Variants in DCC observed in about 807,000 individuals in gnomAD.
DCC encodes the protein DCC netrin 1 receptor.
A neutral mutation model predicts 172.5 loss-of-function variants in DCC; 58 were observed. The ratio of observed to expected loss-of-function variants is 0.34; its 90% CI spans 0.27 to 0.42. DCC has a LOEUF of 0.42. Among genes scored for constraint, DCC ranks in the 10% least tolerant of loss-of-function variants. The probability of loss-of-function intolerance (pLI) is 1.00; values close to 1 mark genes in which losing one functional copy is unlikely to be tolerated. For missense variants in DCC, 1,740 were observed against 1,791.0 expected, an observed-to-expected ratio of 0.97 and a Z score of 0.51; for synonymous variants, 709 against 644.5, an observed-to-expected ratio of 1.10 and a Z score of -1.52.
intron 7 of DCC, among the ~76,000 whole-genome samples, chr18:53,139,479 C>G (rs1157035411): frequency 6.6e-6 from 1 of 152,080 alleles, no homozygotes; most frequent in African/African-American, 2.4e-5. Flanking sequence ...GATCTGATTT[C>G]TAGTTGTTTG....
At chr18:53,239,782 A>G (rs2056260289) in intron 12 of DCC, among the ~76,000 whole-genome samples, 1 of 152,126 alleles carries the variant, frequency 6.6e-6, no homozygotes, top group Non-Finnish European at 1.5e-5. Context: ...TCAAAATGAT[A>G]TACAGTATTT....
intron 5 of DCC, among the ~76,000 whole-genome samples, chr18:52,974,470 G>A (rs1010623577): frequency 6.6e-6 from 1 of 152,188 alleles, no homozygotes; most frequent in Non-Finnish European, 1.5e-5. Context: ...CACTCTGACT[G>A]TTAATAAATG....
At chr18:52,905,989 C>A in intron 2 of DCC, 55 bp from the exon 3 acceptor site, 3 of 1,148,342 alleles carry the variant, frequency 2.6e-6, no homozygotes, top group Middle Eastern at 2.1e-4. Flanking sequence ...TTTTTATTGG[C>A]GATTATTGTG....
chr18:52,422,498 T>C (rs1296830978), intron 1 of DCC, among the ~76,000 whole-genome samples: 1 of 152,182 alleles, frequency 6.6e-6, no homozygotes, highest in Non-Finnish European at 1.5e-5. Flanking sequence ...TGCAAGATCA[T>C]AGTTGGGAAG....
At chr18:52,485,156 C>T (rs531760246) in intron 1 of DCC, among the ~76,000 whole-genome samples, 33 of 151,996 alleles carry the variant, frequency 2.2e-4, no homozygotes, top group Non-Finnish European at 4.7e-4. Flanking sequence ...TTCTGTAGTT[C>T]TCGAACTGGA....
chr18:52,362,579 A>AT (rs1303422768), intron 1 of DCC, among the ~76,000 whole-genome samples: 1 of 151,816 alleles, frequency 6.6e-6, no homozygotes, highest in Non-Finnish European at 1.5e-5. Flanking sequence ...TATAGTTTTT[A>AT]TTTTTTTTCT....
chr18:53,189,201 A>G (rs2055331466), intron 9 of DCC, among the ~76,000 whole-genome samples: 2 of 152,172 alleles, frequency 1.3e-5, no homozygotes, highest in East Asian at 1.9e-4. Context: ...ATATATGTGT[A>G]TATGTGTAGA....
At chr18:52,705,904 T>C (rs2036201817) in intron 1 of DCC, among the ~76,000 whole-genome samples, 1 of 152,236 alleles carries the variant, frequency 6.6e-6, no homozygotes, top group African/African-American at 2.4e-5. Context: ...TGAAGTTTAA[T>C]GTTCATCTCC....
In DCC at chr18:52,752,947, C is replaced by T. The variant is rs145168490; in HGVS notation, c.412+573C>T. On this transcript the variant is annotated intron_variant, in intron 2 of 28. Transcript: ENST00000442544. ...TAACAGGATTTACTCTTTTTAAAGG[C>T]TGAATAGTATTCCATTGTGTGTGTG... Among the ~76,000 whole-genome samples, 282 of 152,108 alleles carry T rather than the reference C, an allele frequency of 1.9e-3. 1 individual carries two copies. The highest frequency in any genetic ancestry group is 6.4e-3 in the African/African-American group (264 of 41,456).
At chr18:52,749,147 G>A (rs149081725) in intron 1 of DCC, among the ~76,000 whole-genome samples, 2,023 of 152,010 alleles carry the variant, frequency 0.013, 35 homozygotes, top group African/African-American at 0.046. Context: ...AGCCAAGATC[G>A]CATCACTGCA....
At chr18:52,767,102 G>A (rs1332958360) in intron 2 of DCC, among the ~76,000 whole-genome samples, 1 of 150,688 alleles carries the variant, frequency 6.6e-6, no homozygotes, top group Non-Finnish European at 1.5e-5. Context: ...TCCCCATCTA[G>A]GTGGGCCCTC....
intron 1 of DCC, among the ~76,000 whole-genome samples, chr18:52,610,275 G>A (rs1254950327): frequency 1.6e-5 from 2 of 122,094 alleles, no homozygotes; most frequent in African/African-American, 6.4e-5. Context: ...AGCTACTTGG[G>A]AGGCTAAGGC....
At chr18:53,235,814 C>A (rs1160328583) in intron 12 of DCC, among the ~76,000 whole-genome samples, 1 of 152,112 alleles carries the variant, frequency 6.6e-6, no homozygotes, top group Non-Finnish European at 1.5e-5. Context: ...AACCACTATT[C>A]TACTTTCTGT....
At chr18:53,293,949 C>T (rs2144755457) in intron 12 of DCC, among the ~76,000 whole-genome samples, 1 of 152,284 alleles carries the variant, frequency 6.6e-6, no homozygotes, top group Non-Finnish European at 1.5e-5. Context: ...TTGGGGACCT[C>T]ACAATGAAGG....
rs1417676091 is a variant in DCC at position 52,406,703 on chromosome 18, A to G, written c.91+65825A>G. Among the ~76,000 whole-genome samples the G allele has an allele frequency of 2.6e-5, 4 of 152,210 alleles. No homozygotes were observed. In the East Asian group the frequency reaches 5.8e-4, roughly 22 times the overall value. On this transcript the variant is annotated intron_variant, in intron 1 of 28. Transcript: ENST00000442544. ...CAACTTGTATGTTTGTAAATTTTATATGGAATCTTGTAAAATTAAAACAAA... is the reference window on the plus strand; with the variant it reads ...CAACTTGTATGTTTGTAAATTTTATGTGGAATCTTGTAAAATTAAAACAAA...
intron 1 of DCC, among the ~76,000 whole-genome samples, chr18:52,464,290 A>C (rs1988718228): frequency 6.6e-6 from 1 of 152,154 alleles, no homozygotes; most frequent in South Asian, 2.1e-4. Context: ...ATTTATCAAA[A>C]GGCATGTAGC....
chr18:53,168,157 G>A (rs1048745540), intron 8 of DCC, among the ~76,000 whole-genome samples: 6 of 152,076 alleles, frequency 3.9e-5, no homozygotes, highest in African/African-American at 1.4e-4. Flanking sequence ...ACGGTGTAGC[G>A]ATTCCTCAAG....
In DCC at chr18:53,294,251, T is replaced by G. The variant is rs185462942; in HGVS notation, c.1912-11327T>G. Among the ~76,000 whole-genome samples, 33 of 152,332 alleles carry G rather than the reference T, an allele frequency of 2.2e-4. No homozygotes were observed. The East Asian group carries it at 5.2e-3, about 24-fold the overall frequency. ...TGATTTTTTAAAAAATAACCCTAAC[T>G]GTGTTGATTGTATACACTTGAAAAA... is the stretch of plus-strand genomic sequence containing the variant. On this transcript the variant is annotated intron_variant, in intron 12 of 28. Transcript: ENST00000442544.
intron 1 of DCC, among the ~76,000 whole-genome samples, chr18:52,389,717 A>G (rs556800784): frequency 6.6e-6 from 1 of 152,240 alleles, no homozygotes; most frequent in East Asian, 1.9e-4. Context: ...ATAATAACTT[A>G]AAAATCAATT....
Sources: allele counts gnomAD v4.1 joint callset (sites outside exome capture counted in the v4.1 genomes callset), GRCh38; gene constraint gnomAD v4.1.1; transcripts MANE v1.5; gene names NCBI Gene and HGNC (gene_info 2026-07-23, HGNC 2026-07-21).